Variants in ZNF69 observed in about 807,000 individuals in gnomAD.
ZNF69 encodes the protein ZNF3.
A neutral mutation model predicts 50.9 loss-of-function variants in ZNF69; 47 were observed. The observed-to-expected ratio is 0.92, with a 90% CI of 0.73 to 1.18. The LOEUF (loss-of-function observed/expected upper bound fraction) is 1.18, where lower values mean the gene tolerates loss of function less well. Ranked by LOEUF, ZNF69 falls within the 50% of genes most tolerant of loss-of-function variation. The pLI is 0.00. For missense variants in ZNF69, 717 were observed against 675.1 expected (o/e 1.06, Z -0.69); for synonymous variants, 216 against 223.1 (o/e 0.97, Z 0.29).
At chr19:11,967,091 T>G in the ZNF69 span, among the ~76,000 whole-genome samples, 4 of 152,186 alleles carry the variant, frequency 2.6e-5, no homozygotes, top group African/African-American at 9.7e-5. Flanking sequence ...TTCAAGCACT[T>G]TTCAAGGCCA....
At chr19:11,930,126 G>C in the ZNF69 span, among the ~76,000 whole-genome samples, 1 of 148,240 alleles carries the variant, frequency 6.7e-6, no homozygotes, top group Non-Finnish European at 1.5e-5. Flanking sequence ...TGGAGGAGAT[G>C]CCTGGTATAC....
the ZNF69 span, chr19:11,947,179 A>T: frequency 6.2e-7 from 1 of 1,613,434 alleles, no homozygotes; most frequent in Non-Finnish European, 8.5e-7. Context: ...GAGATGTTTC[A>T]GGACCCAGTG....
rs1056942481 is a variant in ZNF69 at position 11,898,351 on chromosome 19, C to T, written c.64-5222C>T. Among the ~76,000 whole-genome samples, 10 of 150,168 alleles carry T rather than the reference C, an allele frequency of 6.7e-5. No individual in the cohort carries two copies. The East Asian group carries it at 1.6e-3, about 23-fold the overall frequency. On this transcript the variant is annotated intron_variant, in intron 1 of 3. Transcript: ENST00000429654. ...TTGAGCAGATAATCCACAGAGTTCC[C>T]GCAGTTTTCTTCCAGGCTCATAGTT...
intron 1 of ZNF69, among the ~76,000 whole-genome samples, chr19:11,895,373 G>A (rs1339389085): frequency 6.6e-6 from 1 of 152,246 alleles, no homozygotes; most frequent in Admixed American, 6.5e-5. Context: ...AAGACAGACA[G>A]GGACCTGTGG....
downstream of ZNF69, among the ~76,000 whole-genome samples, chr19:11,911,067 A>G (rs9748994): frequency 2.6e-5 from 4 of 152,128 alleles, no homozygotes; most frequent in Non-Finnish European, 4.4e-5. Flanking sequence ...CAGACACATG[A>G]AAAAATGCTC....
chr19:11,909,062 G>A (rs1458216028), downstream of ZNF69, among the ~76,000 whole-genome samples: 7 of 152,120 alleles, frequency 4.6e-5, no homozygotes, highest in East Asian at 1.3e-3. Flanking sequence ...AAATAAACTA[G>A]AAAATCTAGA....
intron 1 of ZNF69, among the ~76,000 whole-genome samples, chr19:11,900,602 T>G (rs1449950523): frequency 2.0e-5 from 3 of 152,218 alleles, no homozygotes; most frequent in African/African-American, 7.2e-5. Context: ...TCCACCCGTC[T>G]CTGCCTCCCA....
chr19:11,947,487 G>A, the ZNF69 span: 1 of 1,610,284 alleles, frequency 6.2e-7, no homozygotes, highest in Admixed American at 1.7e-5. Context: ...ACTGCTTCAG[G>A]ACTATTTTTC....
chr19:11,937,813 C>A, the ZNF69 span, among the ~76,000 whole-genome samples: 1 of 151,924 alleles, frequency 6.6e-6, no homozygotes, highest in Non-Finnish European at 1.5e-5. Context: ...GTTCCTTGTG[C>A]CTCTCTGTCA....
chr19:11,963,400 G>C, the ZNF69 span, among the ~76,000 whole-genome samples: 1 of 152,184 alleles, frequency 6.6e-6, no homozygotes, highest in Non-Finnish European at 1.5e-5. Context: ...CGGCCTCCCA[G>C]GCTGTTGTTG....
chr19:11,900,975 C>T (rs563156373), intron 1 of ZNF69, among the ~76,000 whole-genome samples: 1 of 152,218 alleles, frequency 6.6e-6, no homozygotes, highest in African/African-American at 2.4e-5. Context: ...GTAAATGATT[C>T]ATTAGGAAGT....
intron 1 of ZNF69, among the ~76,000 whole-genome samples, chr19:11,903,074 T>C (rs951621758): frequency 3.3e-5 from 5 of 151,490 alleles, no homozygotes; most frequent in Non-Finnish European, 7.4e-5. Context: ...GAGTAAGAGG[T>C]TGTAGTGAGC....
the ZNF69 span, among the ~76,000 whole-genome samples, chr19:11,951,151 A>C: frequency 1.0e-5 from 1 of 96,874 alleles, no homozygotes; most frequent in African/African-American, 1.1e-4. Flanking sequence ...CTCCATCTCC[A>C]AAAAAAAAAA....
downstream of ZNF69, among the ~76,000 whole-genome samples, chr19:11,910,589 A>G (rs997105997): frequency 3.3e-5 from 5 of 152,248 alleles, no homozygotes; most frequent in African/African-American, 1.2e-4. Flanking sequence ...CCTATTTAAT[A>G]AATGGTGCTG....
chr19:11,974,702 A>T, the ZNF69 span, among the ~76,000 whole-genome samples: 5 of 152,016 alleles, frequency 3.3e-5, no homozygotes, highest in African/African-American at 1.2e-4. Context: ...TCCCAGATTC[A>T]AACAATTCTC....
At chr19:11,944,171 A>C in the ZNF69 span, among the ~76,000 whole-genome samples, 5 of 152,020 alleles carry the variant, frequency 3.3e-5, no homozygotes, top group Non-Finnish European at 7.4e-5. Flanking sequence ...TTGTTCGTGT[A>C]ATTTTTCGTA....
downstream of ZNF69, among the ~76,000 whole-genome samples, chr19:11,910,976 G>GA (rs1291635111): frequency 1.3e-5 from 2 of 151,972 alleles, no homozygotes; most frequent in Admixed American, 6.6e-5. Flanking sequence ...AAATTTACAA[G>GA]AAAAAATCAA....
At chr19:11,974,126 T>TTTCC in the ZNF69 span, among the ~76,000 whole-genome samples, 1 of 55,028 alleles carries the variant, frequency 1.8e-5, no homozygotes. Flanking sequence ...TCTTTCTTTC[T>TTTCC]TTTCTTTCTT....
the ZNF69 span, among the ~76,000 whole-genome samples, chr19:11,938,397 A>G: frequency 6.6e-6 from 1 of 151,886 alleles, no homozygotes; most frequent in African/African-American, 2.4e-5. Context: ...CCCCTACCCC[A>G]TGACAGGCCC....
Sources: gnomAD v4.1 joint callset for allele counts (sites outside exome capture counted in the v4.1 genomes callset) on GRCh38, gnomAD v4.1.1 for gene constraint, MANE v1.5 for transcripts, NCBI Gene and HGNC (gene_info 2026-07-23, HGNC 2026-07-21) for gene names.